The following PGCKA1 variants were observed in gnomAD, a reference collection of about 807,000 sequenced individuals.
PGCKA1 encodes the protein PDCD10 and GCKIII kinases associated 1.
the PGCKA1 span, among the ~76,000 whole-genome samples, chr4:37,579,711 C>G: frequency 6.6e-6 from 1 of 152,154 alleles, no homozygotes; most frequent in Non-Finnish European, 1.5e-5. Context: ...CTTTCTTTAT[C>G]CTTGACCTTT....
chr4:37,486,506 A>G, the PGCKA1 span, among the ~76,000 whole-genome samples: 1 of 152,192 alleles, frequency 6.6e-6, no homozygotes, highest in East Asian at 1.9e-4. Flanking sequence ...CCAACCTTTC[A>G]AGCACCGAGC....
the PGCKA1 span, among the ~76,000 whole-genome samples, chr4:37,579,887 C>T: frequency 6.6e-6 from 1 of 152,080 alleles, no homozygotes; most frequent in Non-Finnish European, 1.5e-5. Context: ...TCTACTTCTC[C>T]TTATGGCCAA....
chr4:37,514,951 G>A, the PGCKA1 span, among the ~76,000 whole-genome samples: 1 of 152,196 alleles, frequency 6.6e-6, no homozygotes, highest in Non-Finnish European at 1.5e-5. Flanking sequence ...AAGAGAAGGT[G>A]GAAGTATGGG....
chr4:37,590,052 A>G, the PGCKA1 span: 4 of 1,493,548 alleles, frequency 2.7e-6, no homozygotes, highest in African/African-American at 1.4e-5. Context: ...TTAATGATGG[A>G]GCAGACCTGA....
At chr4:37,566,588 T>G in the PGCKA1 span, among the ~76,000 whole-genome samples, 1 of 150,532 alleles carries the variant, frequency 6.6e-6, no homozygotes, top group Non-Finnish European at 1.5e-5. Context: ...CTGAGGCTTT[T>G]TATTTTATTT....
the PGCKA1 span, among the ~76,000 whole-genome samples, chr4:37,489,428 C>T: frequency 1.3e-5 from 2 of 152,076 alleles, no homozygotes; most frequent in Non-Finnish European, 2.9e-5. Flanking sequence ...CCATAGATAG[C>T]TTACCACCCT....
the PGCKA1 span, among the ~76,000 whole-genome samples, chr4:37,572,557 A>G: frequency 6.6e-6 from 1 of 152,178 alleles, no homozygotes. Flanking sequence ...GCAGTTATAT[A>G]AACCATGGTC....
the PGCKA1 span, among the ~76,000 whole-genome samples, chr4:37,534,507 T>A: frequency 6.6e-6 from 1 of 152,374 alleles, no homozygotes; most frequent in South Asian, 2.1e-4. Flanking sequence ...ACATGATAGC[T>A]TCCTTATGGA....
the PGCKA1 span, among the ~76,000 whole-genome samples, chr4:37,576,949 A>T: frequency 2.0e-5 from 3 of 152,048 alleles, no homozygotes; most frequent in Non-Finnish European, 4.4e-5. Flanking sequence ...GTCATAATGA[A>T]TGATCTTTTT....
chr4:37,576,469 T>C, the PGCKA1 span, among the ~76,000 whole-genome samples: 1 of 152,140 alleles, frequency 6.6e-6, no homozygotes, highest in Non-Finnish European at 1.5e-5. Context: ...TCAGTTCTAA[T>C]AGTTCTTTGG....
At chr4:37,548,539 G>C in the PGCKA1 span, among the ~76,000 whole-genome samples, 850 of 150,896 alleles carry the variant, frequency 5.6e-3, 12 homozygotes, top group African/African-American at 0.02. Context: ...AATTATAAAA[G>C]GTTAAAAAAA....
chr4:37,507,021 T>C, the PGCKA1 span, among the ~76,000 whole-genome samples: 9 of 152,260 alleles, frequency 5.9e-5, no homozygotes, highest in Non-Finnish European at 1.0e-4. Flanking sequence ...AACTCCTTTA[T>C]TATTACATAA....
At chr4:37,540,844 T>A in the PGCKA1 span, among the ~76,000 whole-genome samples, 1 of 152,122 alleles carries the variant, frequency 6.6e-6, no homozygotes, top group Non-Finnish European at 1.5e-5. Flanking sequence ...CAAACCTGAC[T>A]GCATTTACAG....
the PGCKA1 span, chr4:37,590,556 T>G: frequency 6.2e-7 from 1 of 1,614,196 alleles, no homozygotes; most frequent in Non-Finnish European, 8.5e-7. Flanking sequence ...GAGCTCCTTC[T>G]GAGGCAGAAA....
At chr4:37,511,998 G>T in the PGCKA1 span, among the ~76,000 whole-genome samples, 1 of 152,218 alleles carries the variant, frequency 6.6e-6, no homozygotes, top group African/African-American at 2.4e-5. Context: ...GCCTGGTTTT[G>T]ATTTCCACTC....
chr4:37,567,598 G>A, the PGCKA1 span, among the ~76,000 whole-genome samples: 1 of 152,170 alleles, frequency 6.6e-6, no homozygotes, highest in Non-Finnish European at 1.5e-5. Flanking sequence ...GGTGTGGTGT[G>A]ATCAATCTTC....
chr4:37,581,744 C>G, the PGCKA1 span, among the ~76,000 whole-genome samples: 1 of 152,152 alleles, frequency 6.6e-6, no homozygotes, highest in African/African-American at 2.4e-5. The surrounding 1 kb of genome is among the most constrained non-coding windows in gnomAD (Gnocchi z 4.4). Flanking sequence ...CTTAGCCACT[C>G]TGGTGTCTCA....
chr4:37,460,619 A>T, the PGCKA1 span: 1 of 449,200 alleles, frequency 2.2e-6, no homozygotes, highest in South Asian at 1.6e-5. Flanking sequence ...TTTGTTGGTC[A>T]CATAAATCTC....
chr4:37,530,849 G>A, the PGCKA1 span, among the ~76,000 whole-genome samples: 1 of 151,962 alleles, frequency 6.6e-6, no homozygotes, highest in Admixed American at 6.6e-5. Context: ...GTGTGGTGTG[G>A]TGGTGGGCAC....
Sources: gnomAD v4.1 joint callset for allele counts (sites outside exome capture counted in the v4.1 genomes callset) on GRCh38, gnomAD v4.1.1 for gene constraint, Gnocchi (gnomAD v3.1) non-coding constraint, MANE v1.5 for transcripts, NCBI Gene and HGNC (gene_info 2026-07-23, HGNC 2026-07-21) for gene names.